GAS7: variants seen among roughly 807,000 people sequenced by gnomAD.
GAS7 encodes the protein growth arrest-specific protein 7.
In GAS7, 28 loss-of-function variants were observed where a neutral mutation model predicts 71.1. That is an observed-to-expected ratio of 0.39 (90% CI 0.29 to 0.54). The LOEUF (loss-of-function observed/expected upper bound fraction) is 0.54. Ranked by LOEUF, GAS7 falls within the 20% of genes least tolerant of loss-of-function variation. GAS7 has a pLI of 0.62. For missense variants in GAS7, 436 were observed against 627.8 expected (o/e 0.69, Z 3.27); for synonymous variants, 258 against 245.8 (o/e 1.05, Z -0.46).
chr17:10,018,223 C>G (rs1183350871), intron 2 of GAS7, among the ~76,000 whole-genome samples: 1 of 152,122 alleles, frequency 6.6e-6, no homozygotes, highest in African/African-American at 2.4e-5. Context: ...TTTGTACTTA[C>G]TGAATTTTTT....
intron 1 of GAS7, among the ~76,000 whole-genome samples, chr17:10,126,450 GCGCACACGCACTCATGCACACA>G: frequency 1.4e-5 from 2 of 146,622 alleles, no homozygotes; most frequent in East Asian, 4.1e-4. Flanking sequence ...ACACGCGCGC[GCGCACACGCACTCATGCACACA>G]CGCACACTCA....
chr17:10,002,130 T>C (rs2071291655), intron 2 of GAS7, among the ~76,000 whole-genome samples: 1 of 152,176 alleles, frequency 6.6e-6, no homozygotes, highest in Non-Finnish European at 1.5e-5. Context: ...GCCACATTAC[T>C]GGGTGGCTTA....
intron 5 of GAS7, among the ~76,000 whole-genome samples, chr17:9,958,009 G>A (rs2069318480): frequency 6.6e-6 from 1 of 152,058 alleles, no homozygotes; most frequent in Admixed American, 6.5e-5. Flanking sequence ...AGTGTGCACA[G>A]AGCACTTACT....
intron 1 of GAS7, among the ~76,000 whole-genome samples, chr17:10,173,259 G>A (rs932964986): frequency 6.6e-6 from 1 of 152,140 alleles, no homozygotes; most frequent in African/African-American, 2.4e-5. Flanking sequence ...ACTGGATAAT[G>A]GTGGTGGCTG....
At chr17:10,138,050 T>C (rs1228777189) in intron 1 of GAS7, among the ~76,000 whole-genome samples, 4 of 151,170 alleles carry the variant, frequency 2.6e-5, no homozygotes, top group African/African-American at 4.9e-5. Flanking sequence ...GCAAGCTCCA[T>C]CTCCCGGGTT....
At chr17:9,966,106 C>T (rs932828627) in intron 4 of GAS7, among the ~76,000 whole-genome samples, 2 of 150,390 alleles carry the variant, frequency 1.3e-5, no homozygotes, top group African/African-American at 4.9e-5. Context: ...TCATGCCATT[C>T]TCCTGCCTCA....
intron 1 of GAS7, among the ~76,000 whole-genome samples, chr17:10,106,898 T>C (rs1185892717): frequency 1.3e-5 from 2 of 152,178 alleles, no homozygotes; most frequent in Non-Finnish European, 2.9e-5. Flanking sequence ...GGGGGAGTTA[T>C]TCTGGATTAT....
At chr17:9,989,235 C>T (rs926682060) in intron 2 of GAS7, among the ~76,000 whole-genome samples, 2 of 152,072 alleles carry the variant, frequency 1.3e-5, no homozygotes, top group Admixed American at 6.6e-5. Context: ...CCACACTCAC[C>T]GTGTCTGAGC....
intron 1 of GAS7, among the ~76,000 whole-genome samples, chr17:10,182,595 C>T (rs1272739976): frequency 2.0e-5 from 3 of 152,212 alleles, no homozygotes; most frequent in Non-Finnish European, 4.4e-5. Context: ...GACAGATGGA[C>T]ATCACTAGGG....
chr17:9,920,716 C>A (rs983265890), intron 11 of GAS7, among the ~76,000 whole-genome samples: 1 of 152,220 alleles, frequency 6.6e-6, no homozygotes, highest in African/African-American at 2.4e-5. Flanking sequence ...TTTGTCTCAG[C>A]GTAGCTTCCT....
At chr17:10,030,922 G>A (rs1342915627) in intron 1 of GAS7, among the ~76,000 whole-genome samples, 9 of 152,192 alleles carry the variant, frequency 5.9e-5, no homozygotes, top group Admixed American at 5.9e-4. Flanking sequence ...CAACCAGGTT[G>A]CAACTCCAGT....
intron 1 of GAS7, among the ~76,000 whole-genome samples, chr17:10,128,150 C>T (rs865896185): frequency 6.6e-6 from 1 of 152,240 alleles, no homozygotes; most frequent in Non-Finnish European, 1.5e-5. Flanking sequence ...CCAGCCCTCA[C>T]CAGCAGTTCC....
At position 9,974,541 on chromosome 17, in the gene GAS7, C is replaced by T. The variant is rs2070109127; in HGVS notation, c.386-4779G>A. Among the ~76,000 whole-genome samples the T allele has an allele frequency of 6.6e-6, 1 of 152,008 alleles. No homozygotes were observed. The highest frequency in any genetic ancestry group is 1.5e-5 in the Non-Finnish European group (1 of 68,000). On this transcript the variant is annotated intron_variant, in intron 3 of 13. Coordinates refer to ENST00000432992, the MANE Select transcript of GAS7 (RefSeq NM_201433.2). The surrounding 1 kb of genome is among the most constrained non-coding windows in gnomAD (Gnocchi z 4.0). ...AAAAAAAAAAAGCAAATGTCACACTCATCTGTTTTTAAGATTTTTAAAAAG... is the reference window on the plus strand; with the variant it reads ...AAAAAAAAAAAGCAAATGTCACACTTATCTGTTTTTAAGATTTTTAAAAAG...
chr17:10,092,185 C>T (rs77290005), intron 1 of GAS7, among the ~76,000 whole-genome samples: 2,273 of 152,234 alleles, frequency 0.015, 23 homozygotes, highest in Middle Eastern at 0.031. Flanking sequence ...TTCTTTCCTC[C>T]GACACCTACA....
At chr17:10,170,818 T>A (rs1179019521) in intron 1 of GAS7, among the ~76,000 whole-genome samples, 3 of 152,230 alleles carry the variant, frequency 2.0e-5, no homozygotes, top group Non-Finnish European at 4.4e-5. Flanking sequence ...GAAAGTGGCC[T>A]TTTAAACTTA....
chr17:10,148,398 C>T (rs1217417873), intron 1 of GAS7, among the ~76,000 whole-genome samples: 1 of 151,078 alleles, frequency 6.6e-6, no homozygotes, highest in African/African-American at 2.4e-5. Flanking sequence ...ATCACAAGGT[C>T]AGGAGATCAA....
intron 1 of GAS7, among the ~76,000 whole-genome samples, chr17:10,145,963 G>A (rs1048252338): frequency 2.6e-5 from 4 of 152,146 alleles, no homozygotes; most frequent in African/African-American, 9.7e-5. Context: ...GTTCCAGAGG[G>A]TGAGGCCCAG....
intron 1 of GAS7, among the ~76,000 whole-genome samples, chr17:10,142,760 GATA>G (rs953349519): frequency 6.6e-6 from 1 of 152,170 alleles, no homozygotes; most frequent in African/African-American, 2.4e-5. Context: ...TTCAAACTTA[GATA>G]ATTTTTTAAT....
intron 1 of GAS7, among the ~76,000 whole-genome samples, chr17:10,089,414 G>A (rs2152255259): frequency 6.6e-6 from 1 of 152,164 alleles, no homozygotes; most frequent in African/African-American, 2.4e-5. Flanking sequence ...ATGGTCTGCA[G>A]TGTCCTCAAG....
Sources: gnomAD v4.1 joint callset for allele counts (sites outside exome capture counted in the v4.1 genomes callset) on GRCh38, gnomAD v4.1.1 for gene constraint, Gnocchi (gnomAD v3.1) non-coding constraint, MANE v1.5 for transcripts, NCBI Gene and HGNC (gene_info 2026-07-23, HGNC 2026-07-21) for gene names.